Variants in TMEM217 observed in about 807,000 individuals in gnomAD.
TMEM217 encodes the protein chromosome 6 open reading frame 128.
For synonymous variants in TMEM217, 76 were observed against 88.3 expected, an observed-to-expected ratio of 0.86 and a Z score of 0.78; for missense variants, 204 against 248.8, an observed-to-expected ratio of 0.82 and a Z score of 1.21.
chr6:37,215,900 C>T (rs530014303), downstream of TMEM217, among the ~76,000 whole-genome samples: 55 of 152,110 alleles, frequency 3.6e-4, no homozygotes, highest in African/African-American at 1.3e-3. Context: ...GAGGGGAAGG[C>T]TGTATATGTT....
At chr6:37,251,247 G>A (rs1765384163) in intron 1 of TMEM217, among the ~76,000 whole-genome samples, 1 of 151,842 alleles carries the variant, frequency 6.6e-6, no homozygotes, top group Admixed American at 6.6e-5. Flanking sequence ...GTTTGAGGGA[G>A]GCACATCTCA....
intron 1 of TMEM217, among the ~76,000 whole-genome samples, chr6:37,235,784 G>A (rs1371593822): frequency 6.6e-6 from 1 of 152,148 alleles, no homozygotes; most frequent in Non-Finnish European, 1.5e-5. Flanking sequence ...GTCCTCACAG[G>A]GAGGAAAGTA....
intron 1 of TMEM217, among the ~76,000 whole-genome samples, chr6:37,226,784 C>A (rs550719014): frequency 0.011 from 46 of 4,042 alleles, no homozygotes; most frequent in African/African-American, 0.058. Flanking sequence ...GCTGCTCGAA[C>A]TTCTGACCTC....
intron 1 of TMEM217, among the ~76,000 whole-genome samples, chr6:37,235,165 GC>G (rs1436794821): frequency 6.6e-6 from 1 of 151,984 alleles, no homozygotes; most frequent in Non-Finnish European, 1.5e-5. Flanking sequence ...ATAGAACAAA[GC>G]TTTTTTTACT....
At position 37,242,531 on chromosome 6, in the gene TMEM217, A is replaced by G. The variant is rs913300573; in HGVS notation, c.-12+15037T>C. Among the ~76,000 whole-genome samples the G allele has an allele frequency of 2.6e-5, 4 of 152,332 alleles. No homozygotes were observed. The East Asian group carries it at 7.7e-4, about 29-fold the overall frequency. ...AAGCCTACAAAGAGAAAAGCCTGTC[A>G]TGCTTTGGTGGTGAATCAGCTGACA... On this transcript the variant is annotated intron_variant, in intron 1 of 1. Coordinates refer to ENST00000357219, the Ensembl canonical transcript of TMEM217.
intron 1 of TMEM217, among the ~76,000 whole-genome samples, chr6:37,256,974 G>T (rs1472463097): frequency 6.6e-6 from 1 of 152,198 alleles, no homozygotes; most frequent in African/African-American, 2.4e-5. Context: ...AAGGGTGCAA[G>T]ATTTATAATA....
chr6:37,252,589 A>ATG (rs1259800898), intron 1 of TMEM217, among the ~76,000 whole-genome samples: 50 of 29,612 alleles, frequency 1.7e-3, no homozygotes, highest in African/African-American at 2.9e-3. Context: ...GTGTACGTGT[A>ATG]TGTGTGTGTG....
chr6:37,252,875 A>G (rs1765522616), intron 1 of TMEM217, among the ~76,000 whole-genome samples: 1 of 151,568 alleles, frequency 6.6e-6, no homozygotes, highest in African/African-American at 2.4e-5. Context: ...CCTGAGCTCA[A>G]GTGATCCACC....
At chr6:37,220,712 C>T (rs1002552491) in intron 1 of TMEM217, among the ~76,000 whole-genome samples, 2 of 152,028 alleles carry the variant, frequency 1.3e-5, no homozygotes, top group Non-Finnish European at 1.5e-5. Flanking sequence ...GGTCTTCATC[C>T]TCTAAGAATC....
downstream of TMEM217, among the ~76,000 whole-genome samples, chr6:37,216,371 G>A (rs773828422): frequency 3.3e-5 from 5 of 152,116 alleles, no homozygotes; most frequent in Non-Finnish European, 7.3e-5. Flanking sequence ...GAGCCCCTGC[G>A]CCTGGCCCGA....
At position 37,236,442 on chromosome 6, in the gene TMEM217, C is replaced by G. The variant is rs185142021; in HGVS notation, c.-11-17401G>C. Among the ~76,000 whole-genome samples, 124 of 152,168 alleles carry G rather than the reference C, an allele frequency of 8.1e-4. 4 individuals carry two copies. In the East Asian group the frequency reaches 0.024, roughly 29 times the overall value. On this transcript the variant is annotated intron_variant, in intron 1 of 1. Coordinates refer to ENST00000357219, the Ensembl canonical transcript of TMEM217. Reference sequence around the variant, plus strand: ...GTAGCATTGCCCTCCCAGGTTCAATCCTGGGGTGGGAGAGTAAGCTAATTA... The same window carrying G: ...GTAGCATTGCCCTCCCAGGTTCAATGCTGGGGTGGGAGAGTAAGCTAATTA...
chr6:37,257,036 T>G (rs1765788283), intron 1 of TMEM217, among the ~76,000 whole-genome samples: 1 of 152,366 alleles, frequency 6.6e-6, no homozygotes, highest in African/African-American at 2.4e-5. Context: ...AGATACATCC[T>G]TAACTTTGTG....
chr6:37,227,194 A>G (rs190021576), intron 1 of TMEM217, among the ~76,000 whole-genome samples: 1 of 152,226 alleles, frequency 6.6e-6, no homozygotes, highest in East Asian at 1.9e-4. Flanking sequence ...TCCATCCCCT[A>G]GTTTCTAAGG....
chr6:37,236,593 A>G (rs1764518365), intron 1 of TMEM217, among the ~76,000 whole-genome samples: 1 of 152,040 alleles, frequency 6.6e-6, no homozygotes, highest in Non-Finnish European at 1.5e-5. Flanking sequence ...TCTTGGCTTC[A>G]CCATTTACTG....
chr6:37,221,029 T>C (rs996288212), intron 1 of TMEM217, among the ~76,000 whole-genome samples: 4 of 152,142 alleles, frequency 2.6e-5, no homozygotes, highest in African/African-American at 9.7e-5. Context: ...TTCATTTTGT[T>C]GTACAAACAA....
At chr6:37,256,639 G>A (rs1765751087) in intron 1 of TMEM217, among the ~76,000 whole-genome samples, 1 of 151,800 alleles carries the variant, frequency 6.6e-6, no homozygotes, top group South Asian at 2.1e-4. Context: ...AGAAACCGTC[G>A]TTGGAGGACA....
chr6:37,215,415 A>T, downstream of TMEM217: 1 of 1,146,426 alleles, frequency 8.7e-7, no homozygotes. Context: ...TCTCTACTAA[A>T]GATACAAAAA....
downstream of TMEM217, among the ~76,000 whole-genome samples, chr6:37,215,597 A>AAAAAAG (rs1561998656): frequency 4.1e-5 from 6 of 146,882 alleles, no homozygotes; most frequent in African/African-American, 1.3e-4. Context: ...AAAAAAAAAA[A>AAAAAAG]AAAAGAAAAG....
At chr6:37,227,504 TG>T (rs1436444975) in intron 1 of TMEM217, among the ~76,000 whole-genome samples, 1 of 152,186 alleles carries the variant, frequency 6.6e-6, no homozygotes, top group African/African-American at 2.4e-5. Flanking sequence ...TGGAGTGTAG[TG>T]GCGCGATCTT....
Sources: allele counts gnomAD v4.1 joint callset (sites outside exome capture counted in the v4.1 genomes callset), GRCh38; gene constraint gnomAD v4.1.1; transcripts MANE v1.5; gene names NCBI Gene and HGNC (gene_info 2026-07-23, HGNC 2026-07-21).